The following HPSE2 variants were observed in gnomAD, a reference collection of about 807,000 sequenced individuals.
The protein encoded by HPSE2 is heparanase 2 (inactive), also known as inactive heparanase-2.
In HPSE2, 38 loss-of-function variants were observed where a neutral mutation model predicts 60.5. That is an observed-to-expected ratio of 0.63 (90% CI 0.48 to 0.82). The LOEUF (loss-of-function observed/expected upper bound fraction) is 0.82. Among genes scored for constraint, HPSE2 ranks in the 40% least tolerant of loss-of-function variants. The pLI is 0.00. For synonymous variants in HPSE2, 295 were observed against 293.2 expected, an observed-to-expected ratio of 1.01 and a Z score of -0.06; for missense variants, 713 against 740.4, an observed-to-expected ratio of 0.96 and a Z score of 0.43.
intron 3 of HPSE2, among the ~76,000 whole-genome samples, chr10:99,081,581 A>AGAT (rs34159388): frequency 0.43 from 63,898 of 147,276 alleles, 15,206 homozygotes; most frequent in East Asian, 0.6. Context: ...CTACTACTAA[A>AGAT]GATGATGATG....
chr10:98,884,703 A>G (rs576205890), intron 3 of HPSE2, among the ~76,000 whole-genome samples: 13 of 152,148 alleles, frequency 8.5e-5, no homozygotes, highest in African/African-American at 3.1e-4. Flanking sequence ...TTTTTCATGG[A>G]TGGTGGAGGT....
chr10:98,670,475 T>C (rs912617406), intron 6 of HPSE2, among the ~76,000 whole-genome samples: 3 of 152,328 alleles, frequency 2.0e-5, no homozygotes, highest in African/African-American at 7.2e-5. Flanking sequence ...TTGTTACTAA[T>C]TGAGCATCCA....
chr10:98,854,455 C>A (rs114423666), intron 3 of HPSE2, among the ~76,000 whole-genome samples: 5,343 of 152,228 alleles, frequency 0.035, 304 homozygotes, highest in African/African-American at 0.12. Flanking sequence ...CAACTCATAA[C>A]TTTTCAACTT....
intron 3 of HPSE2, among the ~76,000 whole-genome samples, chr10:98,955,160 G>GT (rs1955473814): frequency 6.6e-6 from 1 of 151,862 alleles, no homozygotes. Context: ...TCAGCAATTT[G>GT]TTATTAGACA....
chr10:99,244,463 A>G, the HPSE2 span, among the ~76,000 whole-genome samples: 2 of 148,354 alleles, frequency 1.3e-5, no homozygotes, highest in South Asian at 2.1e-4. Flanking sequence ...CTGGAGCGCA[A>G]TGGTGTGATC....
chr10:98,873,983 A>AT (rs1952803593), intron 3 of HPSE2, among the ~76,000 whole-genome samples: 1 of 151,868 alleles, frequency 6.6e-6, no homozygotes, highest in Non-Finnish European at 1.5e-5. Flanking sequence ...GCTTTTTTTC[A>AT]TATGTTTTTT....
intron 9 of HPSE2, among the ~76,000 whole-genome samples, chr10:98,568,924 G>A (rs1944421176): frequency 6.6e-6 from 1 of 152,066 alleles, no homozygotes; most frequent in African/African-American, 2.4e-5. Flanking sequence ...TTTTTGGTGT[G>A]ATGAAATGTC....
intron 3 of HPSE2, among the ~76,000 whole-genome samples, chr10:98,811,595 C>T (rs1000400219): frequency 3.3e-5 from 5 of 151,996 alleles, no homozygotes; most frequent in Non-Finnish European, 5.9e-5. Context: ...ATATTTATTG[C>T]TTGCTGAATG....
chr10:98,548,628 A>AAAAG (rs1943767548), intron 9 of HPSE2, among the ~76,000 whole-genome samples: 1 of 151,596 alleles, frequency 6.6e-6, no homozygotes, highest in Non-Finnish European at 1.5e-5. Flanking sequence ...AAAAAAAAAA[A>AAAAG]AAGAAATTTA....
the HPSE2 span, among the ~76,000 whole-genome samples, chr10:99,288,507 C>T: frequency 1.4e-4 from 21 of 151,764 alleles, no homozygotes; most frequent in East Asian, 3.9e-3. Flanking sequence ...AGAAGGATGG[C>T]TAAAATAAGA....
At chr10:98,719,300 G>C (rs767767581) in intron 5 of HPSE2, among the ~76,000 whole-genome samples, 1 of 152,004 alleles carries the variant, frequency 6.6e-6, no homozygotes, top group East Asian at 1.9e-4. Context: ...CCTACTCTGT[G>C]GTTTATCATG....
chr10:98,638,137 CAAAAA>C (rs34364786), intron 7 of HPSE2, among the ~76,000 whole-genome samples: 1 of 14,680 alleles, frequency 6.8e-5, no homozygotes, highest in African/African-American at 2.1e-4. Context: ...AGACCCATCT[CAAAAA>C]AAAAAAAAAA....
At chr10:98,483,861 G>A (rs913281535) in intron 10 of HPSE2, among the ~76,000 whole-genome samples, 1 of 152,140 alleles carries the variant, frequency 6.6e-6, no homozygotes, top group Non-Finnish European at 1.5e-5. Flanking sequence ...AGATTTGGGG[G>A]CTATTCATTA....
chr10:98,838,470 T>G (rs1469965969), intron 3 of HPSE2, among the ~76,000 whole-genome samples: 1 of 152,104 alleles, frequency 6.6e-6, no homozygotes, highest in Non-Finnish European at 1.5e-5. Context: ...ATTTTTTTTT[T>G]TTTTAGATGG....
At chr10:98,818,591 C>G (rs565982079) in intron 3 of HPSE2, among the ~76,000 whole-genome samples, 1 of 152,228 alleles carries the variant, frequency 6.6e-6, no homozygotes, top group South Asian at 2.1e-4. Context: ...GCCTCCAAAG[C>G]AATATTGCCT....
At chr10:98,922,676 A>G (rs1403458997) in intron 3 of HPSE2, among the ~76,000 whole-genome samples, 2 of 152,202 alleles carry the variant, frequency 1.3e-5, no homozygotes, top group Non-Finnish European at 2.9e-5. Flanking sequence ...CAGAATCCAT[A>G]AATACATGGT....
At chr10:99,029,123 G>C (rs570346957) in intron 3 of HPSE2, among the ~76,000 whole-genome samples, 1 of 151,986 alleles carries the variant, frequency 6.6e-6, no homozygotes, top group Non-Finnish European at 1.5e-5. Context: ...AAGAAGAAAC[G>C]GACAAATGGG....
At chr10:98,698,325 G>T (rs1486651910) in intron 5 of HPSE2, among the ~76,000 whole-genome samples, 4 of 151,520 alleles carry the variant, frequency 2.6e-5, no homozygotes, top group African/African-American at 9.8e-5. Context: ...TAGAACTCAG[G>T]ATTAAGAAAC....
chr10:99,179,652 A>G (rs1847677116), intron 2 of HPSE2, among the ~76,000 whole-genome samples: 1 of 152,210 alleles, frequency 6.6e-6, no homozygotes, highest in East Asian at 1.9e-4. Flanking sequence ...ATGGATAGGA[A>G]GAATCAATAT....
Sources: allele counts gnomAD v4.1 joint callset (sites outside exome capture counted in the v4.1 genomes callset), GRCh38; gene constraint gnomAD v4.1.1; transcripts MANE v1.5; gene names NCBI Gene and HGNC (gene_info 2026-07-23, HGNC 2026-07-21).